Variants in TMEM132D observed in about 807,000 individuals in gnomAD.
The protein encoded by TMEM132D is mature OL transmembrane protein.
A neutral mutation model predicts 62.3 loss-of-function variants in TMEM132D; 21 were observed. The observed-to-expected ratio is 0.34, with a 90% CI of 0.24 to 0.49. The LOEUF (loss-of-function observed/expected upper bound fraction) is 0.49. Among genes scored for constraint, TMEM132D ranks in the 20% least tolerant of loss-of-function variants. The pLI is 0.99. For missense variants in TMEM132D, 1,346 were observed against 1,402.8 expected (o/e 0.96, Z 0.65); for synonymous variants, 621 against 575.6 (o/e 1.08, Z -1.13).
At chr12:129,576,581 C>A (rs2137123187) in intron 2 of TMEM132D, among the ~76,000 whole-genome samples, 1 of 141,432 alleles carries the variant, frequency 7.1e-6, no homozygotes, top group East Asian at 2.2e-4. Flanking sequence ...TGTAGCTACA[C>A]AAATATGTGG....
chr12:129,617,336 T>C (rs528621039), intron 2 of TMEM132D, among the ~76,000 whole-genome samples: 193 of 152,328 alleles, frequency 1.3e-3, no homozygotes, highest in Non-Finnish European at 2.1e-3. Context: ...CAGGAAGGTC[T>C]TCTCCCACCT....
intron 3 of TMEM132D, among the ~76,000 whole-genome samples, chr12:129,427,072 T>C (rs1872521327): frequency 6.6e-6 from 1 of 152,202 alleles, no homozygotes; most frequent in African/African-American, 2.4e-5. Flanking sequence ...TACGATCCCA[T>C]ATGGGAAGCA....
chr12:129,475,347 C>T (rs756419292), intron 3 of TMEM132D, among the ~76,000 whole-genome samples: 26 of 152,126 alleles, frequency 1.7e-4, no homozygotes, highest in Admixed American at 3.3e-4. Context: ...CTTAGGCATT[C>T]CATCCTTGTG....
In TMEM132D at chr12:129,705,923, T is replaced by C. The variant is rs138992415; in HGVS notation, c.80-5225A>G. On this transcript the variant is annotated intron_variant, in intron 1 of 8. Coordinates refer to ENST00000422113, the MANE Select transcript of TMEM132D (RefSeq NM_133448.3). The stretch of plus-strand genomic sequence containing the variant: ...ACTAAATTTGTATCTTCATAAGAGA[T>C]ATCAGTAGATATGGCTTTATTTTAG... Among the ~76,000 whole-genome samples the C allele has an allele frequency of 6.2e-4, 95 of 152,276 alleles. 2 individuals are homozygous for C. Among genetic ancestry groups the C allele is most frequent in the African/African-American group, 2.2e-3 (90 of 41,588 alleles).
At chr12:129,537,155 G>A (rs1185807095) in intron 2 of TMEM132D, among the ~76,000 whole-genome samples, 1 of 9,128 alleles carries the variant, frequency 1.1e-4, no homozygotes, top group Non-Finnish European at 2.0e-4. Context: ...GTGAAACTCT[G>A]TCTAAAAAAA....
At chr12:129,291,977 C>T (rs933806638) in intron 4 of TMEM132D, among the ~76,000 whole-genome samples, 4 of 151,944 alleles carry the variant, frequency 2.6e-5, no homozygotes, top group East Asian at 1.9e-4. Context: ...AATGGGAGAT[C>T]GAACATGGGG....
In TMEM132D at chr12:129,103,400, G is replaced by T. The variant is rs79289697; in HGVS notation, c.1444-18698C>A. 2.0e-5 allele frequency among the ~76,000 whole-genome samples: 3 copies of T among 152,154 alleles called. No individual in the cohort carries two copies. The East Asian group carries it at 5.8e-4, about 29-fold the overall frequency. On this transcript the variant is annotated intron_variant, in intron 5 of 8. Transcript: ENST00000422113. ...ATCAGCCAGCCCATGCCCCCACCTC[G>T]GAGGCCTGGCTTCCACGCCCAGATT...
At chr12:129,434,484 T>A (rs1056777809) in intron 3 of TMEM132D, among the ~76,000 whole-genome samples, 1 of 152,118 alleles carries the variant, frequency 6.6e-6, no homozygotes, top group African/African-American at 2.4e-5. Flanking sequence ...TTGTTCTACA[T>A]AAAATTCTTA....
chr12:129,862,573 A>G (rs970453628), intron 1 of TMEM132D, among the ~76,000 whole-genome samples: 1 of 152,182 alleles, frequency 6.6e-6, no homozygotes, highest in Non-Finnish European at 1.5e-5. Flanking sequence ...ATGGGGGTTG[A>G]TCAGCTATGC....
chr12:129,496,909 A>T (rs937959492), intron 3 of TMEM132D, among the ~76,000 whole-genome samples: 2 of 152,192 alleles, frequency 1.3e-5, no homozygotes, highest in African/African-American at 4.8e-5. Flanking sequence ...ACCAATGGGT[A>T]GGCTTGGGCC....
chr12:129,699,671 G>A (rs1391472292), intron 2 of TMEM132D, 139 bp downstream of exon 2: 5 of 1,009,540 alleles, frequency 5.0e-6, no homozygotes, highest in Admixed American at 2.6e-5. Context: ...TGTATTCCAC[G>A]GTGCAGATGG....
chr12:129,722,736 T>TTC lies in TMEM132D; in HGVS notation c.80-22039_80-22038insGA, dbSNP rs199627061. 1.4e-4 allele frequency among the ~76,000 whole-genome samples: 5 copies of TTC among 36,490 alleles called. 1 individual carries two copies. Among genetic ancestry groups the TTC allele is most frequent in the African/African-American group, 6.2e-5 (1 of 16,052 alleles). 23.9% of individuals were successfully genotyped at this position (36,490 alleles called of 152,430 possible). A position where few individuals can be genotyped will look rare whatever the true frequency, so the allele number is the denominator to read the frequency against. ...TTCATCAATCCTGGCTCCTTTTTCTTTTTTTCTTTTTTTTTTTTTTTGAGA... is the reference window on the plus strand; with the variant it reads ...TTCATCAATCCTGGCTCCTTTTTCTTTCTTTTTCTTTTTTTTTTTTTTTGAGA... On this transcript the variant is annotated intron_variant, in intron 1 of 8. Coordinates refer to ENST00000422113, the MANE Select transcript of TMEM132D (RefSeq NM_133448.3).
chr12:129,130,594 A>T (rs1876348397), intron 5 of TMEM132D, among the ~76,000 whole-genome samples: 1 of 152,198 alleles, frequency 6.6e-6, no homozygotes, highest in Non-Finnish European at 1.5e-5. Flanking sequence ...TGGAACTTAC[A>T]TTCTGGGAAG....
intron 1 of TMEM132D, among the ~76,000 whole-genome samples, chr12:129,808,863 T>C (rs1049184068): frequency 5.9e-5 from 9 of 152,174 alleles, no homozygotes; most frequent in Non-Finnish European, 1.2e-4. Context: ...AATATGTTTT[T>C]CAGTGTCCAA....
intron 3 of TMEM132D, among the ~76,000 whole-genome samples, chr12:129,358,713 C>T (rs1008270029): frequency 1.3e-5 from 2 of 151,996 alleles, no homozygotes; most frequent in African/African-American, 2.4e-5. Context: ...CTGAGTGTAG[C>T]CAAGGAGGCC....
chr12:129,771,308 C>T (rs562945665), intron 1 of TMEM132D, among the ~76,000 whole-genome samples: 15 of 152,300 alleles, frequency 9.8e-5, no homozygotes, highest in Non-Finnish European at 1.3e-4. Context: ...CCACTCTGTG[C>T]CTCAATTTCC....
intron 1 of TMEM132D, among the ~76,000 whole-genome samples, chr12:129,883,053 G>T (rs956763785): frequency 1.3e-5 from 2 of 152,198 alleles, no homozygotes; most frequent in African/African-American, 4.8e-5. Context: ...CAGGGAAAAG[G>T]GAAAGAAGGA....
intron 5 of TMEM132D, among the ~76,000 whole-genome samples, chr12:129,159,030 C>G (rs1179379724): frequency 6.6e-6 from 1 of 152,190 alleles, no homozygotes; most frequent in Non-Finnish European, 1.5e-5. Context: ...AATCACTTCC[C>G]ACTAGGTCCC....
In TMEM132D at chr12:129,531,506, CACAA is replaced by C. The variant is rs554377894; in HGVS notation, c.969-305_969-302del. Among the ~76,000 whole-genome samples, 208 of 152,236 alleles carry C rather than the reference CACAA, an allele frequency of 1.4e-3. 1 individual carries two copies. The highest frequency in any genetic ancestry group is 4.8e-3 in the African/African-American group (198 of 41,534). ...TATCTTTAAATAAAGCCAAGCCAAA[CACAA>C]ACACAGAACTACCTGAAAACCCTTA... On this transcript the variant is annotated intron_variant, in intron 2 of 8. Coordinates refer to ENST00000422113, the MANE Select transcript of TMEM132D (RefSeq NM_133448.3).
Sources: allele counts gnomAD v4.1 joint callset (sites outside exome capture counted in the v4.1 genomes callset), GRCh38; gene constraint gnomAD v4.1.1; transcripts MANE v1.5; gene names NCBI Gene and HGNC (gene_info 2026-07-23, HGNC 2026-07-21).